The following GATA4 variants were observed in gnomAD, a reference collection of about 807,000 sequenced individuals.
GATA4 encodes transcription factor GATA-4.
A neutral mutation model predicts 37.9 loss-of-function variants in GATA4; 7 were observed. The ratio of observed to expected loss-of-function variants is 0.18; its 90% CI spans 0.11 to 0.35. The LOEUF (loss-of-function observed/expected upper bound fraction) is 0.35, where lower values mean the gene tolerates loss of function less well. Among genes scored for constraint, GATA4 ranks in the 10% least tolerant of loss-of-function variants. GATA4 has a pLI of 1.00. For missense variants in GATA4, 647 were observed against 653.0 expected, an observed-to-expected ratio of 0.99 and a Z score of 0.10; for synonymous variants, 372 against 292.6, an observed-to-expected ratio of 1.27 and a Z score of -2.77.
Position 11,709,648 on chromosome 8 carries a change from C to T in GATA4, c.616+720C>T, listed in dbSNP as rs1009582605. On this transcript the variant is annotated intron_variant, in intron 2 of 6. Coordinates refer to ENST00000532059, the MANE Select transcript of GATA4 (RefSeq NM_001308093.3). This position sits in a 1 kb window ranked among gnomAD's most constrained non-coding sequence, Gnocchi z 4.3. ...CTCAAACGCGCTTGTTCATGACACC[C>T]GAGTTAAATGGAGACTTTGCAGTCG... is the stretch of plus-strand genomic sequence containing the variant. 2.0e-5 allele frequency among the ~76,000 whole-genome samples: 3 copies of T among 152,000 alleles called. No homozygotes were observed. The highest frequency in any genetic ancestry group is 4.8e-5 in the African/African-American group (2 of 41,386).
chr8:11,758,312 T>C lies in GATA4; in HGVS notation c.1169T>C (p.Met390Thr), dbSNP rs1802706874. 2.5e-6 allele frequency: 4 copies of C among 1,614,184 alleles called. No homozygotes were observed. Among genetic ancestry groups the C allele is most frequent in the Non-Finnish European group, 3.4e-6 (4 of 1,180,024 alleles). Residue 390 changes from methionine to threonine, a missense_variant, in exon 7 of 7, where the codon ATG becomes ACG. Met to Thr is a moderately conservative substitution (Grantham distance 81). Coordinates refer to ENST00000532059, the MANE Select transcript of GATA4 (RefSeq NM_001308093.3). ...TTTCAGACGTTCTCAGTCAGTGCGA[T>C]GTCTGGCCATGGGCCCTCCATCCAC... The part of the protein sequence containing the change: ...SVSQTFSVSA[M>T]SGHGPSIHPV...
rs1225608279 is a variant in GATA4 at position 11,749,566 on chromosome 8, C to A, written c.786+481C>A. Among the ~76,000 whole-genome samples the A allele has an allele frequency of 6.6e-6, 1 of 152,214 alleles. No individual in the cohort carries two copies. Among genetic ancestry groups the A allele is most frequent in the Admixed American group, 6.5e-5 (1 of 15,286 alleles). On this transcript the variant is annotated intron_variant, in intron 3 of 6. Coordinates refer to ENST00000532059, the MANE Select transcript of GATA4 (RefSeq NM_001308093.3). The surrounding 1 kb of genome is among the most constrained non-coding windows in gnomAD (Gnocchi z 4.6). ...CCCCGTGGCTAGGGAAGAGTTTGGG[C>A]CTGGGGCTTGGCTCCTGGCTTCCTG...
upstream of GATA4, among the ~76,000 whole-genome samples, chr8:11,692,315 A>G (rs1799339323): frequency 6.6e-6 from 1 of 152,262 alleles, no homozygotes; most frequent in African/African-American, 2.4e-5. Flanking sequence ...GTGTGCTGTT[A>G]TAAAAGAACA....
At chr8:11,706,951 A>G (rs1304069698) in intron 1 of GATA4, among the ~76,000 whole-genome samples, 1 of 152,212 alleles carries the variant, frequency 6.6e-6, no homozygotes, top group Non-Finnish European at 1.5e-5. Flanking sequence ...ATTGCCTGAT[A>G]ATAACAAAAC....
chr8:11,686,200 A>G (rs947781786), intron 1 of GATA4, among the ~76,000 whole-genome samples: 2 of 144,616 alleles, frequency 1.4e-5, no homozygotes, highest in African/African-American at 2.6e-5. Context: ...CCTTCAAAAG[A>G]TCTTGTACTG....
chr8:11,715,945 C>T (rs533785756), intron 2 of GATA4, among the ~76,000 whole-genome samples: 1 of 152,278 alleles, frequency 6.6e-6, no homozygotes, highest in East Asian at 1.9e-4. Flanking sequence ...CTAGGGACCT[C>T]ACACAAGTAG....
At chr8:11,712,519 T>A (rs28495062) in intron 2 of GATA4, among the ~76,000 whole-genome samples, 4 of 151,594 alleles carry the variant, frequency 2.6e-5, no homozygotes, top group Admixed American at 6.6e-5. Context: ...AGCAATTTTT[T>A]AAAAAAAGAA....
Position 11,749,483 on chromosome 8 carries a change from C to T in GATA4, c.786+398C>T, listed in dbSNP as rs945197623. 1.3e-5 allele frequency among the ~76,000 whole-genome samples: 2 copies of T among 152,316 alleles called. No individual in the cohort carries two copies. The highest frequency in any genetic ancestry group is 2.9e-5 in the Non-Finnish European group (2 of 68,024). On this transcript the variant is annotated intron_variant, in intron 3 of 6. Transcript: ENST00000532059. This position sits in a 1 kb window ranked among gnomAD's most constrained non-coding sequence, Gnocchi z 4.6. Reference sequence around the variant, plus strand: ...CCTCAGAGGCTGGTCTCTACCCTGACCTCAGTTGATCAGTTGATAAATCCC... The same window carrying T: ...CCTCAGAGGCTGGTCTCTACCCTGATCTCAGTTGATCAGTTGATAAATCCC...
Position 11,708,194 on chromosome 8 carries a change from A to G in GATA4, c.-119A>G, listed in dbSNP as rs1028646908. On this transcript the variant is annotated 5_prime_UTR_variant, in exon 2 of 7. Coordinates refer to ENST00000532059, the MANE Select transcript of GATA4 (RefSeq NM_001308093.3). The surrounding 1 kb of genome is among the most constrained non-coding windows in gnomAD (Gnocchi z 6.7). ...TTGGTTTTTTCCCCTTTGATTTTTG[A>G]TCTTCGCGACAGTTCCTCCCACGCA... is the stretch of plus-strand genomic sequence containing the variant. 16 of 1,164,300 alleles carry G rather than the reference A, an allele frequency of 1.4e-5. No individual in the cohort carries two copies. Among genetic ancestry groups the G allele is most frequent in the Non-Finnish European group, 2.0e-5 (16 of 810,324 alleles). 72.1% of individuals were successfully genotyped at this position (1,164,300 alleles called of 1,614,324 possible).
intron 1 of GATA4, chr8:11,683,118 G>A (rs1233639687): frequency 6.1e-6 from 6 of 985,310 alleles, no homozygotes; most frequent in Non-Finnish European, 6.0e-6. Context: ...AGCTCTTGGT[G>A]TGGTGGCCAC....
chr8:11,708,897 G>A lies in GATA4; in HGVS notation c.585G>A (p.Arg195=), dbSNP rs1040398846. The stretch of plus-strand genomic sequence containing the variant: ...CGGTCCTGCACAGCCTGCCCGGCCG[G>A]GCCAACCCGGCCGCCCGACACCCCA... ...DSPVLHSLPG[R]ANPAARHPNL... is the part of the protein sequence containing the mutation. Residue 195 remains arginine, a synonymous_variant, in exon 2 of 7, where the codon CGG becomes CGA. Transcript: ENST00000532059. This position sits in a 1 kb window ranked among gnomAD's most constrained non-coding sequence, Gnocchi z 6.7. The A allele has an allele frequency of 6.5e-7, 1 of 1,528,212 alleles. No homozygotes were observed. The highest frequency in any genetic ancestry group is 2.5e-5 in the East Asian group (1 of 40,460). 94.7% of individuals were successfully genotyped at this position (1,528,212 alleles called of 1,614,324 possible). A position where few individuals can be genotyped will look rare whatever the true frequency, so the allele number is the denominator to read the frequency against.
chr8:11,757,229 C>A, intron 6 of GATA4, 146 bp downstream of exon 6: 2 of 1,286,640 alleles, frequency 1.6e-6, no homozygotes, highest in East Asian at 2.5e-5. Flanking sequence ...AAGACCCAGC[C>A]ATTGAGCTGT....
At position 11,708,495 on chromosome 8, in the gene GATA4, T is replaced by G; in HGVS notation, c.183T>G (p.Ser61=). The G allele has an allele frequency of 6.7e-7, 1 of 1,490,886 alleles. No homozygotes were observed. Among genetic ancestry groups the G allele is most frequent in the Non-Finnish European group, 8.9e-7 (1 of 1,127,574 alleles). The allele number at this position is 1,490,886 out of a possible 1,614,324, so 92.4% of individuals were successfully genotyped here. The change falls in exon 2 of 7, where the codon TCT becomes TCG. Residue 61 remains serine (S), a synonymous_variant. Coordinates refer to ENST00000532059, the MANE Select transcript of GATA4 (RefSeq NM_001308093.3). The surrounding 1 kb of genome is among the most constrained non-coding windows in gnomAD (Gnocchi z 6.7). ...ACCTCCAGGGCGGAGGCGCGGGCTC[T>G]GCGTCCGGAGGCGCCTCGGGCGGCA... The part of the protein sequence containing the change: ...LSYLQGGGAG[S]ASGGASGGSS...
intron 2 of GATA4, among the ~76,000 whole-genome samples, chr8:11,734,573 G>T (rs375996204): frequency 3.9e-5 from 6 of 152,064 alleles, no homozygotes; most frequent in Non-Finnish European, 7.4e-5. Context: ...TGCAACCTCC[G>T]CCTCCTGGGT....
intron 1 of GATA4, chr8:11,693,020 T>C: frequency 1.0e-6 from 1 of 985,336 alleles, no homozygotes; most frequent in Non-Finnish European, 1.2e-6. Flanking sequence ...CACCGAGGCT[T>C]CTGCCAGCGC....
chr8:11,690,810 C>G (rs1799286974), upstream of GATA4, among the ~76,000 whole-genome samples: 3 of 152,300 alleles, frequency 2.0e-5, no homozygotes. Context: ...ATTGGAGGCT[C>G]TAGTGAACTA....
At chr8:11,746,227 CA>C (rs529776881) in intron 2 of GATA4, among the ~76,000 whole-genome samples, 7,786 of 129,302 alleles carry the variant, frequency 0.06, 215 homozygotes, top group South Asian at 0.097. Context: ...GACTCTGTCT[CA>C]AAAAAAAAAG....
chr8:11,699,291 G>A (rs1799596663), upstream of GATA4, among the ~76,000 whole-genome samples: 1 of 152,236 alleles, frequency 6.6e-6, no homozygotes, highest in African/African-American at 2.4e-5. Context: ...CCCTGGTCTT[G>A]CTCTGGGCTC....
At chr8:11,736,855 C>A (rs1275149616) in intron 2 of GATA4, among the ~76,000 whole-genome samples, 1 of 152,166 alleles carries the variant, frequency 6.6e-6, no homozygotes, top group African/African-American at 2.4e-5. Context: ...TAACACCTTC[C>A]TTTTACAAAG....
Sources: gnomAD v4.1 joint callset for allele counts (sites outside exome capture counted in the v4.1 genomes callset) on GRCh38, gnomAD v4.1.1 for gene constraint, Gnocchi (gnomAD v3.1) non-coding constraint, MANE v1.5 for transcripts, NCBI Gene and HGNC (gene_info 2026-07-23, HGNC 2026-07-21) for gene names.